Variants in RERG observed in about 807,000 individuals in gnomAD.
The protein encoded by RERG is RAS like estrogen regulated growth inhibitor, also known as ras-related and estrogen-regulated growth inhibitor.
In RERG, 25 loss-of-function variants were observed where a neutral mutation model predicts 23.2. The observed-to-expected ratio is 1.08, with a 90% CI of 0.79 to 1.50. The LOEUF is 1.50. RERG is among the 40% of genes most tolerant of loss of function. The probability of loss-of-function intolerance (pLI) is 0.00; values close to 1 mark genes in which losing one functional copy is unlikely to be tolerated. For synonymous variants in RERG, 81 were observed against 89.1 expected (o/e 0.91, Z 0.51); for missense variants, 253 against 250.1 (o/e 1.01, Z -0.08).
chr12:15,143,802 G>A (rs1244207699), intron 2 of RERG, among the ~76,000 whole-genome samples: 1 of 152,172 alleles, frequency 6.6e-6, no homozygotes, highest in Non-Finnish European at 1.5e-5. Flanking sequence ...GAGTTGGAGG[G>A]ATTTGATTGG....
At chr12:15,141,234 C>A (rs1469657569) in intron 2 of RERG, among the ~76,000 whole-genome samples, 2 of 151,528 alleles carry the variant, frequency 1.3e-5, no homozygotes, top group African/African-American at 4.9e-5. Flanking sequence ...CGGCTCACTG[C>A]AACCTCCACC....
chr12:15,165,767 T>A (rs1042623666), intron 2 of RERG, among the ~76,000 whole-genome samples: 3 of 152,214 alleles, frequency 2.0e-5, no homozygotes, highest in African/African-American at 4.8e-5. Context: ...GGCACATTTT[T>A]AAATTCCCTG....
At chr12:15,203,480 A>G (rs1344646855) in intron 2 of RERG, among the ~76,000 whole-genome samples, 2 of 151,702 alleles carry the variant, frequency 1.3e-5, no homozygotes, top group Admixed American at 6.6e-5. Context: ...CAATGTTGAA[A>G]ATCAAAGCTA....
At chr12:15,220,463 A>G (rs1865497906) in intron 1 of RERG, among the ~76,000 whole-genome samples, 1 of 152,216 alleles carries the variant, frequency 6.6e-6, no homozygotes, top group Admixed American at 6.5e-5. Context: ...ATACAAATAA[A>G]AGTAGTTCCC....
At chr12:15,152,656 A>C (rs1864461773) in intron 2 of RERG, among the ~76,000 whole-genome samples, 1 of 152,200 alleles carries the variant, frequency 6.6e-6, no homozygotes, top group Non-Finnish European at 1.5e-5. Flanking sequence ...GTCCAGCTGG[A>C]GCACCACCCT....
chr12:15,181,661 C>T (rs966852042), intron 2 of RERG, among the ~76,000 whole-genome samples: 1 of 152,164 alleles, frequency 6.6e-6, no homozygotes, highest in African/African-American at 2.4e-5. Flanking sequence ...AATCCCTGGA[C>T]ATCATAGGAG....
At chr12:15,119,029 T>C (rs528723307) in intron 3 of RERG, among the ~76,000 whole-genome samples, 4 of 147,378 alleles carry the variant, frequency 2.7e-5, no homozygotes, top group African/African-American at 7.6e-5. Context: ...AACCCCTCTA[T>C]GCTGGAACAA....
At chr12:15,156,920 A>T (rs1290227361) in intron 2 of RERG, among the ~76,000 whole-genome samples, 1 of 152,180 alleles carries the variant, frequency 6.6e-6, no homozygotes, top group African/African-American at 2.4e-5. Context: ...TATCTCATAG[A>T]GATATTGAGG....
chr12:15,122,130 TA>T (rs1307067591), intron 2 of RERG, among the ~76,000 whole-genome samples: 1 of 152,088 alleles, frequency 6.6e-6, no homozygotes, highest in Non-Finnish European at 1.5e-5. Context: ...ATTTGGCATA[TA>T]ATTTAGCAGG....
intron 2 of RERG, among the ~76,000 whole-genome samples, chr12:15,205,673 T>C (rs2136144057): frequency 6.6e-6 from 1 of 152,202 alleles, no homozygotes; most frequent in South Asian, 2.1e-4. Flanking sequence ...CACAATTTTT[T>C]ATTTGTACTT....
At chr12:15,219,370 C>A (rs757134499) in intron 1 of RERG, among the ~76,000 whole-genome samples, 5 of 152,160 alleles carry the variant, frequency 3.3e-5, no homozygotes, top group African/African-American at 1.2e-4. Flanking sequence ...TTTGTATTTG[C>A]TGATTTTCAA....
intron 2 of RERG, among the ~76,000 whole-genome samples, chr12:15,148,652 G>A (rs1864374582): frequency 6.6e-6 from 1 of 152,122 alleles, no homozygotes; most frequent in Non-Finnish European, 1.5e-5. Context: ...AGACATTAAG[G>A]AGTCATGAAG....
chr12:15,215,358 G>A (rs1273537334), intron 2 of RERG, among the ~76,000 whole-genome samples: 6 of 152,140 alleles, frequency 3.9e-5, no homozygotes, highest in East Asian at 3.8e-4. Context: ...TGAGAAGTGC[G>A]CAGACGAAGA....
chr12:15,218,780 C>T (rs915875302), intron 1 of RERG, among the ~76,000 whole-genome samples: 5 of 151,952 alleles, frequency 3.3e-5, no homozygotes, highest in Admixed American at 3.3e-4. Flanking sequence ...CCAGCCTGTC[C>T]ACTTGTTCTT....
At chr12:15,181,848 C>T (rs1864926250) in intron 2 of RERG, among the ~76,000 whole-genome samples, 1 of 152,064 alleles carries the variant, frequency 6.6e-6, no homozygotes, top group African/African-American at 2.4e-5. Flanking sequence ...TGGAAAATAC[C>T]TGCAGGGCAT....
At chr12:15,212,361 G>A (rs1182494741) in intron 2 of RERG, among the ~76,000 whole-genome samples, 1 of 151,760 alleles carries the variant, frequency 6.6e-6, no homozygotes, top group African/African-American at 2.4e-5. Context: ...GCCCGGCCAC[G>A]AATAAACTTT....
At chr12:15,167,897 A>G (rs1864719177) in intron 2 of RERG, among the ~76,000 whole-genome samples, 1 of 152,132 alleles carries the variant, frequency 6.6e-6, no homozygotes, top group Admixed American at 6.5e-5. Flanking sequence ...CAGGTTGGTG[A>G]CACAGTTACA....
chr12:15,166,499 A>ATGGGGATGG (rs1555126074), intron 2 of RERG, among the ~76,000 whole-genome samples: 7 of 150,332 alleles, frequency 4.7e-5, no homozygotes, highest in East Asian at 2.0e-4. Flanking sequence ...GATGATGATG[A>ATGGGGATGG]TGGGGATGGT....
At chr12:15,179,934 G>A (rs1864901746) in intron 2 of RERG, among the ~76,000 whole-genome samples, 1 of 152,086 alleles carries the variant, frequency 6.6e-6, no homozygotes, top group African/African-American at 2.4e-5. Flanking sequence ...CACATCATCT[G>A]GGTCAGGGGC....
Sources: gnomAD v4.1 joint callset for allele counts (sites outside exome capture counted in the v4.1 genomes callset) on GRCh38, gnomAD v4.1.1 for gene constraint, MANE v1.5 for transcripts, NCBI Gene and HGNC (gene_info 2026-07-23, HGNC 2026-07-21) for gene names.